Variants in FBH1 observed in about 807,000 individuals in gnomAD.
FBH1 encodes the protein F-box DNA helicase 1, also known as DNA 3'-5' helicase 1.
Under a neutral mutation model 115.5 loss-of-function variants are expected in FBH1, and 43 were observed. The ratio of observed to expected loss-of-function variants is 0.37; its 90% confidence interval spans 0.29 to 0.48. FBH1 has a LOEUF of 0.48. Ranked by LOEUF, FBH1 falls within the 20% of genes least tolerant of loss-of-function variation. The pLI is 0.99. For missense variants in FBH1, 1,001 were observed against 1,337.3 expected (o/e 0.75, Z 3.92); for synonymous variants, 524 against 507.8 (o/e 1.03, Z -0.43).
chr10:5,902,874 G>A, intron 1 of FBH1, 146 bp from the exon 2 acceptor site: 1 of 581,072 alleles, frequency 1.7e-6, no homozygotes, highest in Non-Finnish European at 2.8e-6. Context: ...CAAAGTTGGG[G>A]GGCAAGGGGA....
chr10:5,897,433 GAGC>G lies in FBH1; in HGVS notation c.2-5585_2-5583del, dbSNP rs1329360028. On this transcript the variant is annotated intron_variant, in intron 1 of 20. Transcript: ENST00000362091. The surrounding 1 kb of genome is among the most constrained non-coding windows in gnomAD (Gnocchi z 4.7). ...CACAGGGCTCCTGGCTCCCAGTTCA[GAGC>G]ATCACAGCACCTCTCTCTGAGACCA... Among the ~76,000 whole-genome samples the G allele has an allele frequency of 1.3e-5, 2 of 152,046 alleles. No individual in the cohort carries two copies. The highest frequency in any genetic ancestry group is 2.9e-5 in the Non-Finnish European group (2 of 67,952).
In FBH1 at chr10:5,935,111, ATG is replaced by A. The variant is rs1564467778; in HGVS notation, c.2830-1339_2830-1338del. 5.9e-5 allele frequency: 9 copies of A among 152,190 alleles called. No homozygotes were observed. 9.4% of individuals were successfully genotyped at this position (152,190 alleles called of 1,614,324 possible). ...TCATGTTTTGTGAAACTTTTCTTCC[ATG>A]TGTGTTTCTTACATATGTGCGTATG... On this transcript the variant is annotated intron_variant, in intron 19 of 20. Transcript: ENST00000362091. This position sits in a 1 kb window ranked among gnomAD's most constrained non-coding sequence, Gnocchi z 5.2.
In FBH1 at chr10:5,937,341, G is replaced by A; in HGVS notation, c.*61G>A. 7.0e-7 allele frequency: 1 copy of A among 1,418,808 alleles called. No individual in the cohort carries two copies. The highest frequency in any genetic ancestry group is 1.6e-5 in the South Asian group (1 of 61,798). 87.9% of individuals were successfully genotyped at this position (1,418,808 alleles called of 1,614,324 possible). A position where few individuals can be genotyped will look rare whatever the true frequency, so the allele number is the denominator to read the frequency against. On this transcript the variant is annotated 3_prime_UTR_variant, in exon 21 of 21. Transcript: ENST00000362091. ...TTGCCGAGGACCCCGCGTGAAGAAA[G>A]CCAGCGAGGGGGGCTTCTGCTCCCT...
chr10:5,895,266 G>T lies in FBH1; in HGVS notation c.1+4920G>T, dbSNP rs1564428567. The stretch of plus-strand genomic sequence containing the variant: ...CAGATTAGCAAAACTGCCCTCTGTG[G>T]ATCTTTGTTAAAGTTGGGTATGGTA... On this transcript the variant is annotated intron_variant, in intron 1 of 20. Coordinates refer to ENST00000362091, the MANE Select transcript of FBH1 (RefSeq NM_178150.3). This position sits in a 1 kb window ranked among gnomAD's most constrained non-coding sequence, Gnocchi z 5.0. The T allele has an allele frequency of 6.7e-7, 1 of 1,481,776 alleles. No individual in the cohort carries two copies. Among genetic ancestry groups the T allele is most frequent in the Non-Finnish European group, 9.1e-7 (1 of 1,100,166 alleles). 91.8% of individuals were successfully genotyped at this position (1,481,776 alleles called of 1,614,324 possible). A position where few individuals can be genotyped will look rare whatever the true frequency, so the allele number is the denominator to read the frequency against.
rs376909429 is a variant in FBH1 at position 5,931,980 on chromosome 10, C to T, written c.2829+4439C>T. On this transcript the variant is annotated intron_variant, in intron 19 of 20. Transcript: ENST00000362091. The surrounding 1 kb of genome is among the most constrained non-coding windows in gnomAD (Gnocchi z 4.3). ...CCAACATGGCAAAACCCTGTCTCTA[C>T]CAAAAAATACAGAAAAATTAGCTAG... Among the ~76,000 whole-genome samples, 94 of 152,210 alleles carry T rather than the reference C, an allele frequency of 6.2e-4. 3 individuals carry two copies. The South Asian group carries it at 0.019, about 31-fold the overall frequency.
chr10:5,927,547 C>G lies in FBH1; in HGVS notation c.2829+6C>G. ...ACATTTTGACTTTGGCTGGGGTAAG[C>G]AGAACGGGCAGCATGAGCTAACTTG... On this transcript the variant is annotated splice_donor_region_variant and intron_variant, in intron 19 of 20. Transcript: ENST00000362091. 1.9e-6 allele frequency: 3 copies of G among 1,606,974 alleles called. No individual in the cohort carries two copies. The highest frequency in any genetic ancestry group is 2.6e-6 in the Non-Finnish European group (3 of 1,175,374).
At position 5,921,633 on chromosome 10, in the gene FBH1, G is replaced by A. The variant is rs1832321889; in HGVS notation, c.2322+64G>A. The A allele has an allele frequency of 1.9e-6, 3 of 1,564,812 alleles. No individual in the cohort carries two copies. Among genetic ancestry groups the A allele is most frequent in the Non-Finnish European group, 2.6e-6 (3 of 1,165,314 alleles). On this transcript the variant is annotated intron_variant, in intron 15 of 20. Coordinates refer to ENST00000362091, the MANE Select transcript of FBH1 (RefSeq NM_178150.3). The surrounding 1 kb of genome is among the most constrained non-coding windows in gnomAD (Gnocchi z 6.4). ...ACGTTGTAGACGAACATACCCAATGGAAATGTTCACCTTCCTTGGGATTAT... is the reference window on the plus strand; with the variant it reads ...ACGTTGTAGACGAACATACCCAATGAAAATGTTCACCTTCCTTGGGATTAT...
intron 6 of FBH1, among the ~76,000 whole-genome samples, chr10:5,912,012 A>C (rs1169767611): frequency 6.6e-6 from 1 of 152,120 alleles, no homozygotes; most frequent in Admixed American, 6.5e-5. Flanking sequence ...GGGAGGGAAC[A>C]CAAGATTGTG....
In FBH1 at chr10:5,894,834, T is replaced by A. The variant is rs189073885; in HGVS notation, c.1+4488T>A. ...TTAAATACAGACTTATACAAATAAT[T>A]GTTATTAATATAATATGTAATACAG... On this transcript the variant is annotated intron_variant, in intron 1 of 20. Coordinates refer to ENST00000362091, the MANE Select transcript of FBH1 (RefSeq NM_178150.3). 1.4e-3 allele frequency among the ~76,000 whole-genome samples: 211 copies of A among 152,332 alleles called. 2 individuals carry two copies. The highest frequency in any genetic ancestry group is 4.8e-3 in the African/African-American group (201 of 41,568).
rs1832135387 is a variant in FBH1 at position 5,918,788 on chromosome 10, C to A, written c.2100+310C>A. Among the ~76,000 whole-genome samples, 1 of 152,198 alleles carries A rather than the reference C, an allele frequency of 6.6e-6. No homozygotes were observed. The highest frequency in any genetic ancestry group is 2.1e-4 in the South Asian group (1 of 4,830). The stretch of plus-strand genomic sequence containing the variant: ...GTTGTTCAGACTTGTGTATTTGGCA[C>A]TTTTTCAAAGACAAGTGAAACAAGC... On this transcript the variant is annotated intron_variant, in intron 13 of 20. Transcript: ENST00000362091. The surrounding 1 kb of genome is among the most constrained non-coding windows in gnomAD (Gnocchi z 4.0).
At position 5,913,736 on chromosome 10, in the gene FBH1, T is replaced by C. The variant is rs776852453; in HGVS notation, c.1212-11T>C. 6.5e-7 allele frequency: 1 copy of C among 1,531,956 alleles called. No individual in the cohort carries two copies. The highest frequency in any genetic ancestry group is 1.7e-4 in the Middle Eastern group (1 of 5,812). 94.9% of individuals were successfully genotyped at this position (1,531,956 alleles called of 1,614,324 possible). ...TTTGAGACTTTCTAAATCTACTTTT[T>C]TTTCTGGTAGGATTCACTACAACAT... On this transcript the variant is annotated splice_polypyrimidine_tract_variant and intron_variant, in intron 6 of 20. Transcript: ENST00000362091. This position sits in a 1 kb window ranked among gnomAD's most constrained non-coding sequence, Gnocchi z 4.4.
chr10:5,890,449 G>T (rs568338664), intron 1 of FBH1, 103 bp downstream of exon 1: 465 of 337,468 alleles, frequency 1.4e-3, no homozygotes, highest in Admixed American at 2.3e-3. Context: ...CCGGGGTGGG[G>T]CAGCGGGGGC....
chr10:5,937,395 C>G lies in FBH1; in HGVS notation c.*115C>G. 18 of 1,221,756 alleles carry G rather than the reference C, an allele frequency of 1.5e-5. No individual in the cohort carries two copies. Among genetic ancestry groups the G allele is most frequent in the Non-Finnish European group, 1.9e-5 (18 of 929,300 alleles). The allele number at this position is 1,221,756 out of a possible 1,614,324, so 75.7% of individuals were successfully genotyped here. On this transcript the variant is annotated 3_prime_UTR_variant, in exon 21 of 21. Transcript: ENST00000362091. ...ACTCTGGGTTCACCCACAGCACTTT[C>G]TGAGGAAGAGGACACCAGCCCAAGC...
intron 2 of FBH1, among the ~76,000 whole-genome samples, chr10:5,903,649 A>G (rs759915465): frequency 2.0e-5 from 3 of 152,134 alleles, no homozygotes; most frequent in Non-Finnish European, 2.9e-5. Context: ...TGAAAATTCT[A>G]TCCTATTATC....
intron 15 of FBH1, among the ~76,000 whole-genome samples, chr10:5,922,375 A>G (rs1462900100): frequency 6.6e-6 from 1 of 152,244 alleles, no homozygotes; most frequent in African/African-American, 2.4e-5. Flanking sequence ...TAGGGTACAC[A>G]GAAATGGATG....
chr10:5,936,767 G>C lies in FBH1; in HGVS notation c.2961+180G>C. ...GTCCCAGGGTCAGAGGTCAGGGCAC[G>C]TGATGCTGCCTGGCTGTGCTGAAGC... On this transcript the variant is annotated intron_variant, in intron 20 of 20. Transcript: ENST00000362091. The surrounding 1 kb of genome is among the most constrained non-coding windows in gnomAD (Gnocchi z 5.6). 1.3e-6 allele frequency: 1 copy of C among 775,258 alleles called. No homozygotes were observed. Among genetic ancestry groups the C allele is most frequent in the Non-Finnish European group, 2.0e-6 (1 of 496,258 alleles). The allele number at this position is 775,258 out of a possible 1,614,324, so 48.0% of individuals were successfully genotyped here.
At position 5,910,281 on chromosome 10, in the gene FBH1, C is replaced by CAA. The variant is rs375218808; in HGVS notation, c.1021-645_1021-644dup. 1.5e-5 allele frequency among the ~76,000 whole-genome samples: 2 copies of CAA among 134,760 alleles called. No homozygotes were observed. Among genetic ancestry groups the CAA allele is most frequent in the Admixed American group, 7.4e-5 (1 of 13,466 alleles). 88.4% of individuals were successfully genotyped at this position (134,760 alleles called of 152,430 possible). The stretch of plus-strand genomic sequence containing the variant: ...TGTGTGACAGAGTCAGACTTTGTCT[C>CAA]AAAAAAAAAAAAAGATGAAGATCTG... On this transcript the variant is annotated intron_variant, in intron 5 of 20. Coordinates refer to ENST00000362091, the MANE Select transcript of FBH1 (RefSeq NM_178150.3). This position sits in a 1 kb window ranked among gnomAD's most constrained non-coding sequence, Gnocchi z 4.8.
Position 5,924,837 on chromosome 10 carries a change from A to T in FBH1, c.2596+329A>T. On this transcript the variant is annotated intron_variant, in intron 17 of 20. Coordinates refer to ENST00000362091, the MANE Select transcript of FBH1 (RefSeq NM_178150.3). This position sits in a 1 kb window ranked among gnomAD's most constrained non-coding sequence, Gnocchi z 6.2. ...CACCTCGACCTCCCAAAGTGCTAGA[A>T]TTACAGGCGTGAGCCACTGCGCCCA... 2.2e-6 allele frequency: 1 copy of T among 448,136 alleles called. No individual in the cohort carries two copies. The highest frequency in any genetic ancestry group is 1.7e-5 in the South Asian group (1 of 58,560). The allele number at this position is 448,136 out of a possible 1,614,324, so 27.8% of individuals were successfully genotyped here.
In FBH1 at chr10:5,914,718, C is replaced by T. The variant is rs767076373; in HGVS notation, c.1396+449C>T. ...ACAAGTGTCCTGCCTCAGTCAGCCA[C>T]GCCGATCCACTCACAGCCTCCTGAA... On this transcript the variant is annotated intron_variant, in intron 8 of 20. Coordinates refer to ENST00000362091, the MANE Select transcript of FBH1 (RefSeq NM_178150.3). This position sits in a 1 kb window ranked among gnomAD's most constrained non-coding sequence, Gnocchi z 5.2. 1.1e-4 allele frequency among the ~76,000 whole-genome samples: 17 copies of T among 152,226 alleles called. No individual in the cohort carries two copies. The highest frequency in any genetic ancestry group is 2.7e-4 in the African/African-American group (11 of 41,466).
Sources: gnomAD v4.1 joint callset for allele counts (sites outside exome capture counted in the v4.1 genomes callset) on GRCh38, gnomAD v4.1.1 for gene constraint, Gnocchi (gnomAD v3.1) non-coding constraint, MANE v1.5 for transcripts, NCBI Gene and HGNC (gene_info 2026-07-23, HGNC 2026-07-21) for gene names.